Variants in CTNNA3 observed in about 807,000 individuals in gnomAD.
The protein encoded by CTNNA3 is catenin alpha-3.
A neutral mutation model predicts 95.7 loss-of-function variants in CTNNA3; 76 were observed. That is an observed-to-expected ratio of 0.79 (90% confidence interval 0.66 to 0.96). The LOEUF is 0.96. Ranked by LOEUF, CTNNA3 falls within the 40% of genes least tolerant of loss-of-function variation. The pLI is 0.00. For synonymous variants in CTNNA3, 431 were observed against 374.4 expected (o/e 1.15, Z -1.74); for missense variants, 1,191 against 1,089.8 (o/e 1.09, Z -1.31).
intron 10 of CTNNA3, among the ~76,000 whole-genome samples, chr10:66,554,829 T>C (rs1176960232): frequency 6.6e-6 from 1 of 152,160 alleles, no homozygotes; most frequent in Non-Finnish European, 1.5e-5. Flanking sequence ...TCCTCCTTTC[T>C]TCATTTTTTT....
At chr10:67,716,085 C>T (rs1379577701) in intron 1 of CTNNA3, among the ~76,000 whole-genome samples, 10 of 152,116 alleles carry the variant, frequency 6.6e-5, no homozygotes, top group Middle Eastern at 3.4e-3. Flanking sequence ...TTTACTAATA[C>T]AAAAATAAGA....
intron 7 of CTNNA3, among the ~76,000 whole-genome samples, chr10:67,004,594 G>T (rs114908690): frequency 0.018 from 2,752 of 151,858 alleles, 87 homozygotes; most frequent in African/African-American, 0.062. Flanking sequence ...ACCTTGATCC[G>T]TTCTAATAGA....
chr10:66,396,205 A>G (rs2092975542), intron 11 of CTNNA3, among the ~76,000 whole-genome samples: 1 of 152,018 alleles, frequency 6.6e-6, no homozygotes. Flanking sequence ...ATATGTATTT[A>G]TATACTATTA....
At chr10:67,316,861 A>G (rs1422988091) in intron 5 of CTNNA3, among the ~76,000 whole-genome samples, 2 of 152,192 alleles carry the variant, frequency 1.3e-5, no homozygotes, top group African/African-American at 4.8e-5. Flanking sequence ...ATAATAATTA[A>G]GTAGCTCTGA....
intron 6 of CTNNA3, among the ~76,000 whole-genome samples, chr10:67,196,282 C>A (rs1359021287): frequency 1.3e-5 from 2 of 151,770 alleles, no homozygotes. Context: ...ACTAAATTAG[C>A]AAGATGATCA....
chr10:66,881,093 G>C (rs1285097858), intron 7 of CTNNA3, among the ~76,000 whole-genome samples: 1 of 151,982 alleles, frequency 6.6e-6, no homozygotes, highest in African/African-American at 2.4e-5. Context: ...CTACTGGCAG[G>C]TTTTTCCAAA....
chr10:66,169,055 T>C (rs575598515), intron 13 of CTNNA3, among the ~76,000 whole-genome samples: 1 of 152,180 alleles, frequency 6.6e-6, no homozygotes, highest in Non-Finnish European at 1.5e-5. Context: ...TAATTGTCTA[T>C]TTTTGTTGTT....
intron 15 of CTNNA3, among the ~76,000 whole-genome samples, chr10:66,058,089 C>T (rs1003322549): frequency 6.6e-6 from 1 of 152,132 alleles, no homozygotes; most frequent in Admixed American, 6.5e-5. Context: ...TTGTCATTAA[C>T]ACATTATATT....
At chr10:67,198,925 T>C (rs1411337999) in intron 6 of CTNNA3, among the ~76,000 whole-genome samples, 1 of 152,090 alleles carries the variant, frequency 6.6e-6, no homozygotes, top group Non-Finnish European at 1.5e-5. Flanking sequence ...GCTTTATCAA[T>C]ATGATTTACA....
At chr10:66,432,685 G>A (rs1308841200) in intron 11 of CTNNA3, among the ~76,000 whole-genome samples, 5 of 145,206 alleles carry the variant, frequency 3.4e-5, no homozygotes, top group African/African-American at 7.7e-5. Flanking sequence ...AAAAAGTTCT[G>A]GTATACATGT....
intron 12 of CTNNA3, among the ~76,000 whole-genome samples, chr10:66,315,981 C>A (rs10822805): frequency 1.3e-5 from 2 of 151,990 alleles, no homozygotes; most frequent in Non-Finnish European, 2.9e-5. Context: ...TCTTGAAAAC[C>A]GCAACTTTAA....
intron 9 of CTNNA3, among the ~76,000 whole-genome samples, chr10:66,747,400 A>G (rs1338589488): frequency 6.6e-6 from 1 of 152,206 alleles, no homozygotes; most frequent in Non-Finnish European, 1.5e-5. Context: ...GATCACAACC[A>G]TGGAAATCTT....
intron 15 of CTNNA3, among the ~76,000 whole-genome samples, chr10:66,025,922 A>AC (rs1679978325): frequency 6.6e-6 from 1 of 152,220 alleles, no homozygotes; most frequent in Non-Finnish European, 1.5e-5. Context: ...CATATGCTGT[A>AC]CAGTATGAAC....
At chr10:66,270,237 A>C (rs1334596463) in intron 13 of CTNNA3, among the ~76,000 whole-genome samples, 1 of 129,804 alleles carries the variant, frequency 7.7e-6, no homozygotes, top group Non-Finnish European at 1.7e-5. Flanking sequence ...GGGGGGGGGC[A>C]GGGTCTCACT....
At chr10:66,103,042 G>T (rs1165933661) in intron 14 of CTNNA3, 115 bp downstream of exon 14, 3 of 790,854 alleles carry the variant, frequency 3.8e-6, no homozygotes, top group African/African-American at 3.4e-5. Context: ...GTGCTTCACA[G>T]AACTAGCTCC....
At chr10:66,857,482 C>T (rs531596057) in intron 7 of CTNNA3, among the ~76,000 whole-genome samples, 11 of 151,862 alleles carry the variant, frequency 7.2e-5, no homozygotes, top group Admixed American at 4.6e-4. Flanking sequence ...GCATTAAATC[C>T]GTAAATTGCT....
At chr10:66,821,701 T>A (rs12765148) in intron 7 of CTNNA3, among the ~76,000 whole-genome samples, 36,156 of 152,136 alleles carry the variant, frequency 0.24, 4,403 homozygotes, top group Middle Eastern at 0.31. Context: ...CTTTGAAGAT[T>A]CCTCATGAAC....
intron 17 of CTNNA3, among the ~76,000 whole-genome samples, chr10:65,924,031 T>C (rs1379725028): frequency 6.6e-6 from 1 of 152,208 alleles, no homozygotes; most frequent in Non-Finnish European, 1.5e-5. Context: ...TTTACTTTTA[T>C]TTAAAATGAC....
intron 13 of CTNNA3, among the ~76,000 whole-genome samples, chr10:66,208,497 T>A (rs781223184): frequency 6.6e-6 from 1 of 152,106 alleles, no homozygotes; most frequent in Non-Finnish European, 1.5e-5. Context: ...CTGTGCAGTT[T>A]CCACACATAT....
Sources: allele counts gnomAD v4.1 joint callset (sites outside exome capture counted in the v4.1 genomes callset), GRCh38; gene constraint gnomAD v4.1.1; transcripts MANE v1.5; gene names NCBI Gene and HGNC (gene_info 2026-07-23, HGNC 2026-07-21).